The following GRID2 variants were observed in gnomAD, a reference collection of about 807,000 sequenced individuals.
GRID2 encodes the protein glutamate receptor ionotropic, delta-2.
A neutral mutation model predicts 114.8 loss-of-function variants in GRID2; 33 were observed. The ratio of observed to expected loss-of-function variants is 0.29; its 90% CI spans 0.22 to 0.38. The LOEUF (loss-of-function observed/expected upper bound fraction) is 0.38, where lower values mean the gene tolerates loss of function less well. Ranked by LOEUF, GRID2 falls within the 10% of genes least tolerant of loss-of-function variation. The pLI is 1.00. For synonymous variants in GRID2, 505 were observed against 449.9 expected (o/e 1.12, Z -1.55); for missense variants, 1,184 against 1,257.7 (o/e 0.94, Z 0.89).
intron 1 of GRID2, among the ~76,000 whole-genome samples, chr4:92,417,260 G>A: frequency 6.6e-6 from 1 of 152,136 alleles, no homozygotes; most frequent in African/African-American, 2.4e-5. Flanking sequence ...AAAGTCCTAG[G>A]TATAAATATA....
chr4:93,194,036 G>C (rs1289776069), intron 4 of GRID2, among the ~76,000 whole-genome samples: 1 of 152,152 alleles, frequency 6.6e-6, no homozygotes, highest in Non-Finnish European at 1.5e-5. Flanking sequence ...GGAGTTAGTT[G>C]AAGCAAGCTT....
intron 2 of GRID2, among the ~76,000 whole-genome samples, chr4:93,022,989 G>A (rs1233336745): frequency 4.6e-5 from 7 of 151,552 alleles, no homozygotes; most frequent in African/African-American, 1.7e-4. Context: ...ATACACAAAG[G>A]CCAGTAAAGA....
intron 7 of GRID2, among the ~76,000 whole-genome samples, chr4:93,225,974 A>G (rs946116689): frequency 6.6e-6 from 1 of 152,240 alleles, no homozygotes; most frequent in Admixed American, 6.5e-5. Context: ...TTCCTGGATA[A>G]CTAATCCACT....
At chr4:92,985,261 T>C (rs1754436730) in intron 2 of GRID2, among the ~76,000 whole-genome samples, 1 of 151,184 alleles carries the variant, frequency 6.6e-6, no homozygotes, top group Non-Finnish European at 1.5e-5. Context: ...TCTCGCTCTG[T>C]CTCCCAGGCT....
intron 13 of GRID2, among the ~76,000 whole-genome samples, chr4:93,602,648 C>T (rs947972303): frequency 6.6e-6 from 1 of 152,148 alleles, no homozygotes; most frequent in Non-Finnish European, 1.5e-5. Flanking sequence ...GCTGCTTCAC[C>T]GACTGACAGT....
intron 2 of GRID2, among the ~76,000 whole-genome samples, chr4:92,729,696 G>GA (rs1341874484): frequency 1.3e-5 from 2 of 151,906 alleles, no homozygotes; most frequent in Non-Finnish European, 2.9e-5. Flanking sequence ...ACATCATGGG[G>GA]AAAAAATGTA....
intron 1 of GRID2, among the ~76,000 whole-genome samples, chr4:92,449,404 A>G (rs1447895142): frequency 1.3e-5 from 2 of 151,860 alleles, no homozygotes; most frequent in Non-Finnish European, 1.5e-5. Context: ...ATAATATTTC[A>G]TGGTCAGATC....
chr4:93,416,564 G>C (rs1240755075), intron 9 of GRID2, among the ~76,000 whole-genome samples: 1 of 152,000 alleles, frequency 6.6e-6, no homozygotes, highest in East Asian at 1.9e-4. Context: ...CCTCTAAACA[G>C]CTCTCAGTAA....
intron 9 of GRID2, among the ~76,000 whole-genome samples, chr4:93,416,272 G>T (rs10015087): frequency 0.17 from 26,276 of 151,916 alleles, 4,154 homozygotes; most frequent in African/African-American, 0.42. Context: ...AAAAAGTGAG[G>T]TTTTTCCAAG....
rs563737980 is a variant in GRID2 at position 92,759,276 on chromosome 4, T to C, written c.244+168990T>C. Among the ~76,000 whole-genome samples the C allele has an allele frequency of 2.6e-5, 4 of 152,314 alleles. No homozygotes were observed. The South Asian group carries it at 8.3e-4, about 32-fold the overall frequency. ...GTTTTTAAATGTGCACCAACTTCTA[T>C]TTTGACAATATCAACATAAACTTTT... On this transcript the variant is annotated intron_variant, in intron 2 of 15. Coordinates refer to ENST00000282020, the MANE Select transcript of GRID2 (RefSeq NM_001510.4).
intron 4 of GRID2, among the ~76,000 whole-genome samples, chr4:93,206,003 T>C (rs1380415239): frequency 6.6e-6 from 1 of 152,100 alleles, no homozygotes; most frequent in African/African-American, 2.4e-5. Context: ...CACACCAGCA[T>C]GGCATGTGTA....
At chr4:93,229,965 C>T (rs1030373739) in intron 7 of GRID2, among the ~76,000 whole-genome samples, 5 of 151,898 alleles carry the variant, frequency 3.3e-5, no homozygotes, top group African/African-American at 9.7e-5. Flanking sequence ...TTGTTATTTA[C>T]GTGGATGTTG....
intron 2 of GRID2, among the ~76,000 whole-genome samples, chr4:93,026,001 G>A (rs2149251711): frequency 6.6e-6 from 1 of 151,718 alleles, no homozygotes; most frequent in East Asian, 1.9e-4. Flanking sequence ...TCATTACTTA[G>A]AAGAGAACAA....
At chr4:93,189,182 T>G (rs982258632) in intron 4 of GRID2, among the ~76,000 whole-genome samples, 1 of 152,202 alleles carries the variant, frequency 6.6e-6, no homozygotes, top group Non-Finnish European at 1.5e-5. Flanking sequence ...ATTCTGTGTT[T>G]GTCAGTTTGG....
Position 93,242,521 on chromosome 4 carries a change from T to C in GRID2, c.1245+4031T>C, listed in dbSNP as rs72872736. ...CAACAAGGCAGTATGGTTAAGAACA[T>C]TGGCAAGGCAATGGTTGAAGTGACA... On this transcript the variant is annotated intron_variant, in intron 8 of 15. Transcript: ENST00000282020. Among the ~76,000 whole-genome samples the C allele has an allele frequency of 3.9e-3, 591 of 152,168 alleles. 3 individuals are homozygous for C. Among genetic ancestry groups the C allele is most frequent in the African/African-American group, 0.014 (568 of 41,562 alleles).
At chr4:93,349,252 G>A (rs1760550779) in intron 8 of GRID2, among the ~76,000 whole-genome samples, 1 of 152,020 alleles carries the variant, frequency 6.6e-6, no homozygotes, top group African/African-American at 2.4e-5. Context: ...AGAAATGAAA[G>A]TCAAATGCGT....
At chr4:93,458,605 G>T (rs1723424754) in intron 11 of GRID2, among the ~76,000 whole-genome samples, 1 of 152,074 alleles carries the variant, frequency 6.6e-6, no homozygotes, top group Non-Finnish European at 1.5e-5. Flanking sequence ...AGAACATCCT[G>T]GATGTACCCA....
chr4:93,427,851 A>C (rs1769005907), intron 10 of GRID2, among the ~76,000 whole-genome samples: 1 of 152,100 alleles, frequency 6.6e-6, no homozygotes, highest in African/African-American at 2.4e-5. Context: ...ATGAAAACAC[A>C]AATCTGGCCA....
intron 3 of GRID2, among the ~76,000 whole-genome samples, chr4:93,107,823 A>G (rs1732396708): frequency 6.6e-6 from 1 of 152,156 alleles, no homozygotes; most frequent in Non-Finnish European, 1.5e-5. Flanking sequence ...CAAACACGTC[A>G]CTTCCAGACT....
Sources: gnomAD v4.1 joint callset for allele counts (sites outside exome capture counted in the v4.1 genomes callset) on GRCh38, gnomAD v4.1.1 for gene constraint, MANE v1.5 for transcripts, NCBI Gene and HGNC (gene_info 2026-07-23, HGNC 2026-07-21) for gene names.